TRHR: variants seen among roughly 807,000 people sequenced by gnomAD.
TRHR encodes the protein thyrotropin-releasing hormone receptor.
A neutral mutation model predicts 28.0 loss-of-function variants in TRHR; 14 were observed. The ratio of observed to expected loss-of-function variants is 0.50; its 90% CI spans 0.33 to 0.78. The LOEUF is 0.78. Among genes scored for constraint, TRHR ranks in the 30% least tolerant of loss-of-function variants. The pLI, the probability that TRHR is intolerant of heterozygous loss-of-function variation, is 0.02. For missense variants in TRHR, 438 were observed against 469.5 expected (o/e 0.93, Z 0.62); for synonymous variants, 176 against 171.9 (o/e 1.02, Z -0.18).
At chr8:109,102,325 T>G (rs1310729481) in intron 2 of TRHR, among the ~76,000 whole-genome samples, 3 of 152,072 alleles carry the variant, frequency 2.0e-5, no homozygotes, top group Non-Finnish European at 4.4e-5. Flanking sequence ...TATTTGTAGA[T>G]GCACAAGCAA....
chr8:109,095,471 T>C (rs1811574845), intron 2 of TRHR, among the ~76,000 whole-genome samples: 1 of 152,132 alleles, frequency 6.6e-6, no homozygotes, highest in African/African-American at 2.4e-5. Context: ...CTGGTATTGT[T>C]GAAGCAAGCT....
At chr8:109,117,638 G>A (rs1009437267) in intron 2 of TRHR, among the ~76,000 whole-genome samples, 1 of 151,774 alleles carries the variant, frequency 6.6e-6, no homozygotes, top group Admixed American at 6.6e-5. Flanking sequence ...TAATGACGAA[G>A]ATCATGGTGA....
chr8:109,088,142 C>G lies in TRHR; in HGVS notation c.630C>G (p.Leu210=), dbSNP rs1811467819. ...YVVPMILATV[L]YGFIARILFL... is the part of the protein sequence containing the mutation. Reference sequence around the variant, plus strand: ...TGCCAATGATCCTGGCTACCGTCCTCTATGGATTCATAGCTAGAATCCTTT... The same window carrying G: ...TGCCAATGATCCTGGCTACCGTCCTGTATGGATTCATAGCTAGAATCCTTT... Residue 210 remains leucine (L), a synonymous_variant, in exon 2 of 3, where the codon CTC becomes CTG. Coordinates refer to ENST00000518632, the MANE Select transcript of TRHR (RefSeq NM_003301.7). 1 of 1,614,190 alleles carries G rather than the reference C, an allele frequency of 6.2e-7. No homozygotes were observed. The highest frequency in any genetic ancestry group is 8.5e-7 in the Non-Finnish European group (1 of 1,180,042).
At chr8:109,113,053 C>A (rs1448691505) in intron 2 of TRHR, among the ~76,000 whole-genome samples, 1 of 152,070 alleles carries the variant, frequency 6.6e-6, no homozygotes, top group Admixed American at 6.6e-5. Context: ...CATGCATTTT[C>A]TTGATCTCTT....
In TRHR at chr8:109,088,276, A is replaced by G; in HGVS notation, c.764A>G (p.Asn255Ser). 1 of 1,613,966 alleles carries G rather than the reference A, an allele frequency of 6.2e-7. No homozygotes were observed. The highest frequency in any genetic ancestry group is 8.5e-7 in the Non-Finnish European group (1 of 1,180,020). The change falls in exon 2 of 3, where the codon AAC becomes AGC. Residue 255 changes from asparagine (N) to serine (S), a missense_variant. Transcript: ENST00000518632. ...GTAAATACCTCTAATAGATGTTTCA[A>G]CAGCACAGTATCTTCAAGGAAGCAG... is the stretch of plus-strand genomic sequence containing the variant. ...LNVNTSNRCF[N>S]STVSSRKQVT...
intron 2 of TRHR, among the ~76,000 whole-genome samples, chr8:109,096,338 A>G (rs1811590742): frequency 6.6e-6 from 1 of 152,244 alleles, no homozygotes; most frequent in African/African-American, 2.4e-5. Context: ...GTAGATTTAT[A>G]TAGCTGCATT....
Position 109,087,897 on chromosome 8 carries a change from C to CA in TRHR, c.386dup (p.His129GlnfsTer41). 1 of 1,614,198 alleles carries CA rather than the reference C, an allele frequency of 6.2e-7. No homozygotes were observed. Among genetic ancestry groups the CA allele is most frequent in the Non-Finnish European group, 8.5e-7 (1 of 1,180,044 alleles). ...CATTGAGAGGTACATAGCAATCTGTCACCCCATCAAAGCCCAGTTTCTCTG... is the reference window on the plus strand; with the variant it reads ...CATTGAGAGGTACATAGCAATCTGTCAACCCCATCAAAGCCCAGTTTCTCTG... On this transcript the variant is annotated frameshift_variant, in exon 2 of 3. Transcript: ENST00000518632. LOFTEE classifies it high-confidence loss of function.
intron 2 of TRHR, among the ~76,000 whole-genome samples, chr8:109,110,691 C>A (rs1811819361): frequency 6.6e-6 from 1 of 152,090 alleles, no homozygotes; most frequent in Non-Finnish European, 1.5e-5. Context: ...TATGTCAGTC[C>A]ACGGTCTTCC....
intron 2 of TRHR, among the ~76,000 whole-genome samples, chr8:109,090,716 A>T (rs1811505564): frequency 1.3e-5 from 2 of 152,312 alleles, no homozygotes; most frequent in South Asian, 4.1e-4. Context: ...TGGAAGGATG[A>T]AGATAATTTG....
intron 2 of TRHR, among the ~76,000 whole-genome samples, chr8:109,111,420 T>C (rs1188717043): frequency 6.6e-6 from 1 of 152,144 alleles, no homozygotes; most frequent in Admixed American, 6.5e-5. Flanking sequence ...TTGTTAATAT[T>C]CAGAAATACT....
Position 109,087,619 on chromosome 8 carries a change from G to T in TRHR, c.107G>T (p.Cys36Phe). The change falls in exon 2 of 3, where the codon TGT becomes TTT. Residue 36 changes from cysteine to phenylalanine, a missense_variant. Coordinates refer to ENST00000518632, the MANE Select transcript of TRHR (RefSeq NM_003301.7). The part of the protein sequence containing the change: ...VVTILLVLII[C>F]GLGIVGNIMV... Reference sequence around the variant, plus strand: ...ACCATCTTACTTGTACTCATTATTTGTGGCCTGGGCATTGTAGGCAACATC... The same window carrying T: ...ACCATCTTACTTGTACTCATTATTTTTGGCCTGGGCATTGTAGGCAACATC... 6.2e-7 allele frequency: 1 copy of T among 1,614,144 alleles called. No individual in the cohort carries two copies. Among genetic ancestry groups the T allele is most frequent in the Non-Finnish European group, 8.5e-7 (1 of 1,180,026 alleles).
chr8:109,115,442 G>T (rs1467211459), intron 2 of TRHR, among the ~76,000 whole-genome samples: 1 of 152,186 alleles, frequency 6.6e-6, no homozygotes, highest in Non-Finnish European at 1.5e-5. Context: ...CTATCCATGA[G>T]CATGCAATGT....
At chr8:109,100,800 G>C (rs1223638014) in intron 2 of TRHR, among the ~76,000 whole-genome samples, 1 of 152,144 alleles carries the variant, frequency 6.6e-6, no homozygotes, top group East Asian at 1.9e-4. Context: ...TTTCTGGAAA[G>C]GAGCACTCTT....
rs1303818747 is a variant in TRHR at position 109,087,414 on chromosome 8, A to C, written c.-88-11A>C. The C allele has an allele frequency of 7.9e-7, 1 of 1,263,044 alleles. No individual in the cohort carries two copies. Among genetic ancestry groups the C allele is most frequent in the East Asian group, 2.4e-5 (1 of 41,642 alleles). 78.2% of individuals were successfully genotyped at this position (1,263,044 alleles called of 1,614,324 possible). The stretch of plus-strand genomic sequence containing the variant: ...ACACTGTTAATGAATATGTACTATG[A>C]CCCTTCACAGGGGGATGGAACTGCT... On this transcript the variant is annotated splice_polypyrimidine_tract_variant and intron_variant, in intron 1 of 2. Transcript: ENST00000518632.
At chr8:109,105,425 C>T (rs1027962284) in intron 2 of TRHR, among the ~76,000 whole-genome samples, 12 of 152,242 alleles carry the variant, frequency 7.9e-5, no homozygotes, top group African/African-American at 2.9e-4. Context: ...TTCATTCATT[C>T]GTTCCACAAA....
At chr8:109,116,142 G>C in intron 2 of TRHR, among the ~76,000 whole-genome samples, 1 of 152,140 alleles carries the variant, frequency 6.6e-6, no homozygotes, top group Non-Finnish European at 1.5e-5. Context: ...TTGCATCCCA[G>C]GGATGAAGCC....
intron 2 of TRHR, among the ~76,000 whole-genome samples, chr8:109,117,156 A>C (rs956539568): frequency 6.6e-6 from 1 of 151,964 alleles, no homozygotes; most frequent in Non-Finnish European, 1.5e-5. Context: ...TGAAGAATTT[A>C]AGTGTTTGGG....
intron 2 of TRHR, among the ~76,000 whole-genome samples, chr8:109,102,168 A>G (rs753222165): frequency 6.6e-6 from 1 of 152,180 alleles, no homozygotes; most frequent in Non-Finnish European, 1.5e-5. Context: ...CTGTCTTTAC[A>G]AGCTTGATTA....
chr8:109,087,534 G>C lies in TRHR; in HGVS notation c.22G>C (p.Glu8Gln). Reference protein sequence around the residue: MENETVSELNQTQLQPRA... With the variant: MENETVSQLNQTQLQPRA... ...AAAGATGGAAAACGAGACAGTCAGT[G>C]AACTGAACCAAACACAGCTTCAGCC... Residue 8 changes from glutamate to glutamine, a missense_variant, in exon 2 of 3, where the codon GAA becomes CAA. Physicochemically the swap from Glu to Gln is conservative, Grantham distance 29 (BLOSUM62 2). Transcript: ENST00000518632. The C allele has an allele frequency of 6.2e-7, 1 of 1,614,234 alleles. No homozygotes were observed. The highest frequency in any genetic ancestry group is 8.5e-7 in the Non-Finnish European group (1 of 1,180,052).
Sources: gnomAD v4.1 joint callset for allele counts (sites outside exome capture counted in the v4.1 genomes callset) on GRCh38, gnomAD v4.1.1 for gene constraint, MANE v1.5 for transcripts, NCBI Gene and HGNC (gene_info 2026-07-23, HGNC 2026-07-21) for gene names.